Variants in UNC5C observed in about 807,000 individuals in gnomAD.
The protein encoded by UNC5C is unc-5 netrin receptor C.
Under a neutral mutation model 99.8 loss-of-function variants are expected in UNC5C, and 47 were observed. The ratio of observed to expected loss-of-function variants is 0.47; its 90% CI spans 0.37 to 0.60. UNC5C has a LOEUF of 0.60. UNC5C is among the 20% of genes least tolerant of loss of function. The pLI, the probability that UNC5C is intolerant of heterozygous loss-of-function variation, is 0.00. For missense variants in UNC5C, 1,062 were observed against 1,165.9 expected, an observed-to-expected ratio of 0.91 and a Z score of 1.30; for synonymous variants, 487 against 452.2, an observed-to-expected ratio of 1.08 and a Z score of -0.98.
intron 9 of UNC5C, among the ~76,000 whole-genome samples, chr4:95,217,143 G>A (rs1738280662): frequency 6.6e-6 from 1 of 152,212 alleles, no homozygotes; most frequent in African/African-American, 2.4e-5. Flanking sequence ...GTTTGACACT[G>A]TTGTGAATTT....
intron 10 of UNC5C, 163 bp downstream of exon 10, chr4:95,215,961 A>T: frequency 3.8e-6 from 2 of 521,410 alleles, no homozygotes; most frequent in Non-Finnish European, 3.4e-6. Flanking sequence ...CCTCAAAGAC[A>T]AAGAGAAGTA....
chr4:95,501,278 A>G (rs1226858185), intron 1 of UNC5C, among the ~76,000 whole-genome samples: 1 of 151,810 alleles, frequency 6.6e-6, no homozygotes, highest in Admixed American at 6.6e-5. Context: ...AGCTAGAGGC[A>G]TTTTTTTTAT....
intron 1 of UNC5C, among the ~76,000 whole-genome samples, chr4:95,491,021 T>A (rs1721470852): frequency 1.3e-5 from 2 of 151,588 alleles, no homozygotes; most frequent in Non-Finnish European, 3.0e-5. Context: ...AGGCGCTTAA[T>A]ACATGTCTGT....
At chr4:95,248,424 A>T in intron 5 of UNC5C, 1 of 384,610 alleles carries the variant, frequency 2.6e-6, no homozygotes, top group Non-Finnish European at 5.1e-6. Flanking sequence ...GAAGATTAAG[A>T]GTTATTTTAA....
intron 3 of UNC5C, among the ~76,000 whole-genome samples, chr4:95,280,859 G>A (rs571182495): frequency 2.0e-5 from 3 of 150,926 alleles, no homozygotes; most frequent in South Asian, 2.1e-4. Context: ...CTGCTGATAC[G>A]GATTTTCTAC....
intron 1 of UNC5C, among the ~76,000 whole-genome samples, chr4:95,433,521 C>T (rs547045781): frequency 2.3e-4 from 35 of 152,146 alleles, no homozygotes; most frequent in African/African-American, 5.5e-4. Context: ...TTATTAGTAA[C>T]TTACTTTACT....
rs192483118 is a variant in UNC5C, at chr4:95,543,302, C to T, written c.124+5432G>A. Among the ~76,000 whole-genome samples, 125 of 152,214 alleles carry T rather than the reference C, an allele frequency of 8.2e-4. 1 individual carries two copies. The Middle Eastern group carries it at 0.02, about 25-fold the overall frequency. Reference sequence around the variant, plus strand: ...ACCGTAAGTAATATAAAATGCCCTACAAATCTCTTATTTTATCTCAAAAGT... The same window carrying T: ...ACCGTAAGTAATATAAAATGCCCTATAAATCTCTTATTTTATCTCAAAAGT... On this transcript the variant is annotated intron_variant, in intron 1 of 15. Transcript: ENST00000453304.
At chr4:95,199,802 T>G (rs1579224242) in intron 12 of UNC5C, among the ~76,000 whole-genome samples, 1 of 152,282 alleles carries the variant, frequency 6.6e-6, no homozygotes, top group East Asian at 1.9e-4. Context: ...AAGATTTGCC[T>G]TAATCAGACC....
At chr4:95,178,327 C>T (rs1264595150) in intron 14 of UNC5C, among the ~76,000 whole-genome samples, 1 of 152,202 alleles carries the variant, frequency 6.6e-6, no homozygotes, top group Non-Finnish European at 1.5e-5. Flanking sequence ...CCCTGGGGCC[C>T]CCCTGGGCGA....
intron 2 of UNC5C, among the ~76,000 whole-genome samples, chr4:95,333,817 T>C (rs917062902): frequency 6.6e-6 from 1 of 152,180 alleles, no homozygotes; most frequent in African/African-American, 2.4e-5. Flanking sequence ...TGTAACGTAT[T>C]TGAGTTTTTG....
intron 7 of UNC5C, among the ~76,000 whole-genome samples, chr4:95,236,965 C>T (rs1739143423): frequency 6.6e-6 from 1 of 152,234 alleles, no homozygotes. Flanking sequence ...ACCATCGACA[C>T]CAAAATCAGA....
chr4:95,524,200 G>A (rs1430055282), intron 1 of UNC5C, among the ~76,000 whole-genome samples: 1 of 152,200 alleles, frequency 6.6e-6, no homozygotes, highest in African/African-American at 2.4e-5. Flanking sequence ...AAGATTGAAA[G>A]CTGTGGGATC....
chr4:95,420,397 T>C (rs1746282981), intron 1 of UNC5C, among the ~76,000 whole-genome samples: 1 of 152,210 alleles, frequency 6.6e-6, no homozygotes, highest in Admixed American at 6.5e-5. Flanking sequence ...AATATTTTCA[T>C]AAGTCTAGAG....
chr4:95,234,767 T>C (rs1322218757), intron 7 of UNC5C, among the ~76,000 whole-genome samples: 1 of 152,198 alleles, frequency 6.6e-6, no homozygotes, highest in Non-Finnish European at 1.5e-5. Context: ...AGTGAGACTT[T>C]ATCCAGTGTA....
chr4:95,318,640 G>C (rs1384119261), intron 2 of UNC5C, among the ~76,000 whole-genome samples: 1 of 152,174 alleles, frequency 6.6e-6, no homozygotes, highest in Non-Finnish European at 1.5e-5. Flanking sequence ...TCATTGTCCA[G>C]GGTCATCCAG....
intron 14 of UNC5C, among the ~76,000 whole-genome samples, chr4:95,179,929 A>G (rs556667463): frequency 1.2e-4 from 18 of 152,034 alleles, no homozygotes; most frequent in African/African-American, 4.1e-4. Flanking sequence ...ATTTATTTAT[A>G]TAGGATCTGA....
chr4:95,503,305 C>G (rs977213690), intron 1 of UNC5C, among the ~76,000 whole-genome samples: 1 of 152,078 alleles, frequency 6.6e-6, no homozygotes, highest in Non-Finnish European at 1.5e-5. Flanking sequence ...TTGCCGGTAC[C>G]TTAATATTGA....
intron 12 of UNC5C, among the ~76,000 whole-genome samples, chr4:95,199,007 G>A (rs569915997): frequency 6.6e-6 from 1 of 152,260 alleles, no homozygotes; most frequent in East Asian, 1.9e-4. Context: ...GAACCTGTGG[G>A]AGTGAGGCCC....
chr4:95,181,224 G>T (rs944402270), intron 14 of UNC5C, among the ~76,000 whole-genome samples: 4 of 152,192 alleles, frequency 2.6e-5, no homozygotes, highest in African/African-American at 9.6e-5. Flanking sequence ...CTGAAGGCTG[G>T]TCTCTTTGAG....
Sources: gnomAD v4.1 joint callset for allele counts (sites outside exome capture counted in the v4.1 genomes callset) on GRCh38, gnomAD v4.1.1 for gene constraint, MANE v1.5 for transcripts, NCBI Gene and HGNC (gene_info 2026-07-23, HGNC 2026-07-21) for gene names.